Variants in ARHGAP24 observed in about 807,000 individuals in gnomAD.
ARHGAP24 encodes the protein Rho GTPase activating protein 24, also known as rho GTPase-activating protein 24.
In ARHGAP24, 50 loss-of-function variants were observed where a neutral mutation model predicts 76.4. The observed-to-expected ratio is 0.65, with a 90% CI of 0.52 to 0.83. The LOEUF (loss-of-function observed/expected upper bound fraction) is 0.83. Among genes scored for constraint, ARHGAP24 ranks in the 40% least tolerant of loss-of-function variants. The probability of loss-of-function intolerance (pLI) is 0.00; values close to 1 mark genes in which losing one functional copy is unlikely to be tolerated. For synonymous variants in ARHGAP24, 345 were observed against 323.3 expected (o/e 1.07, Z -0.72); for missense variants, 930 against 914.2 (o/e 1.02, Z -0.22).
intron 2 of ARHGAP24, among the ~76,000 whole-genome samples, chr4:85,628,450 G>A (rs774840221): frequency 6.6e-6 from 1 of 152,084 alleles, no homozygotes; most frequent in Non-Finnish European, 1.5e-5. Flanking sequence ...AGAATATGTT[G>A]GTGTTGGATG....
chr4:85,557,023 C>G (rs901093468), intron 1 of ARHGAP24, among the ~76,000 whole-genome samples: 4 of 152,144 alleles, frequency 2.6e-5, no homozygotes, highest in African/African-American at 9.7e-5. Flanking sequence ...GGGAGAGTCC[C>G]GAGTCACTGC....
chr4:85,487,234 T>C (rs1415163526), intron 1 of ARHGAP24, among the ~76,000 whole-genome samples: 23 of 132,942 alleles, frequency 1.7e-4, no homozygotes, highest in African/African-American at 6.5e-4. Context: ...ATATTTATTT[T>C]ATATATAGTA....
rs79116142 is a variant in ARHGAP24 at position 85,500,676 on chromosome 4, A to G, written c.-21+25117A>G. 4.2e-3 allele frequency among the ~76,000 whole-genome samples: 633 copies of G among 152,314 alleles called. 3 individuals are homozygous for G. Among genetic ancestry groups the G allele is most frequent in the African/African-American group, 0.014 (598 of 41,572 alleles). ...TAACTATGAATCATCTCAGATGTGG[A>G]AAGCTCATGGCCTCAGAATGGAATA... is the stretch of plus-strand genomic sequence containing the variant. On this transcript the variant is annotated intron_variant, in intron 1 of 9. Transcript: ENST00000395184.
chr4:85,697,477 C>A (rs956305211), intron 2 of ARHGAP24, among the ~76,000 whole-genome samples: 3 of 151,778 alleles, frequency 2.0e-5, no homozygotes, highest in Non-Finnish European at 4.4e-5. Context: ...GCACATGTAC[C>A]CTAAAACTTA....
intron 1 of ARHGAP24, among the ~76,000 whole-genome samples, chr4:85,517,469 T>G (rs1165155099): frequency 6.6e-6 from 1 of 152,178 alleles, no homozygotes; most frequent in Non-Finnish European, 1.5e-5. Context: ...TAAAATTTTT[T>G]TAACATTTAA....
At chr4:85,508,045 C>T (rs1328597316) in intron 1 of ARHGAP24, among the ~76,000 whole-genome samples, 1 of 124,004 alleles carries the variant, frequency 8.1e-6, no homozygotes, top group Admixed American at 1.0e-4. Context: ...GCCTTTTCAG[C>T]ATCATTATTC....
At chr4:85,540,866 T>C (rs1017630301) in intron 1 of ARHGAP24, among the ~76,000 whole-genome samples, 1 of 151,812 alleles carries the variant, frequency 6.6e-6, no homozygotes, top group Non-Finnish European at 1.5e-5. Context: ...AGTATTTTTT[T>C]ACAGGTGTTT....
intron 3 of ARHGAP24, among the ~76,000 whole-genome samples, chr4:85,809,493 C>A (rs1728923357): frequency 6.6e-6 from 1 of 152,050 alleles, no homozygotes; most frequent in Non-Finnish European, 1.5e-5. Context: ...TAGACACTTC[C>A]AAAATGTTAT....
intron 2 of ARHGAP24, among the ~76,000 whole-genome samples, chr4:85,691,340 G>A (rs1261673656): frequency 6.6e-6 from 1 of 152,108 alleles, no homozygotes; most frequent in Non-Finnish European, 1.5e-5. Context: ...TGGGTGTAGT[G>A]TTCTGTAGAT....
intron 2 of ARHGAP24, among the ~76,000 whole-genome samples, chr4:85,682,861 T>A (rs1180221372): frequency 6.6e-6 from 1 of 152,164 alleles, no homozygotes; most frequent in Non-Finnish European, 1.5e-5. Flanking sequence ...TGTGTCTCAC[T>A]AAGGTAGCCA....
At chr4:85,992,332 C>T (rs938362318) in intron 8 of ARHGAP24, among the ~76,000 whole-genome samples, 3 of 144,546 alleles carry the variant, frequency 2.1e-5, no homozygotes, top group Non-Finnish European at 4.5e-5. Context: ...TAGATGGAAT[C>T]AAAGCTTCCC....
intron 2 of ARHGAP24, among the ~76,000 whole-genome samples, chr4:85,667,501 C>G (rs111709469): frequency 0.029 from 4,452 of 152,238 alleles, 199 homozygotes; most frequent in African/African-American, 0.1. Flanking sequence ...ATGCACTGCA[C>G]CCACTGTCCT....
intron 4 of ARHGAP24, among the ~76,000 whole-genome samples, chr4:85,937,104 T>C (rs1451135806): frequency 6.6e-6 from 1 of 152,172 alleles, no homozygotes; most frequent in African/African-American, 2.4e-5. Context: ...GATTGAAATA[T>C]TACAAAGTCC....
chr4:85,815,821 C>T (rs534452749), intron 3 of ARHGAP24, among the ~76,000 whole-genome samples: 1 of 152,108 alleles, frequency 6.6e-6, no homozygotes, highest in Non-Finnish European at 1.5e-5. Context: ...TCCATTTTCC[C>T]GCTGCTGATA....
chr4:85,551,232 C>G (rs1249004144), intron 1 of ARHGAP24, among the ~76,000 whole-genome samples: 1 of 152,022 alleles, frequency 6.6e-6, no homozygotes. Flanking sequence ...AGGGTTTTAA[C>G]CTGAAGGGAT....
chr4:85,960,081 A>G (rs1463619019), intron 5 of ARHGAP24, among the ~76,000 whole-genome samples: 1 of 152,194 alleles, frequency 6.6e-6, no homozygotes, highest in African/African-American at 2.4e-5. Flanking sequence ...AAAATCAATC[A>G]AGTCCGCACA....
intron 3 of ARHGAP24, among the ~76,000 whole-genome samples, chr4:85,855,080 T>C (rs1731477625): frequency 6.6e-6 from 1 of 152,208 alleles, no homozygotes; most frequent in Non-Finnish European, 1.5e-5. Flanking sequence ...GCAGTTAATA[T>C]GTAGTATCAG....
chr4:85,594,863 CA>C (rs1364148422), intron 2 of ARHGAP24, among the ~76,000 whole-genome samples: 3 of 151,996 alleles, frequency 2.0e-5, no homozygotes, highest in Non-Finnish European at 4.4e-5. Context: ...AGAGACTAGA[CA>C]AAACCCAATT....
At chr4:85,518,593 A>G (rs892163244) in intron 1 of ARHGAP24, among the ~76,000 whole-genome samples, 1 of 152,074 alleles carries the variant, frequency 6.6e-6, no homozygotes, top group East Asian at 1.9e-4. Flanking sequence ...CTTAGCTCCC[A>G]CATATCAGTG....
Sources: gnomAD v4.1 joint callset for allele counts (sites outside exome capture counted in the v4.1 genomes callset) on GRCh38, gnomAD v4.1.1 for gene constraint, MANE v1.5 for transcripts, NCBI Gene and HGNC (gene_info 2026-07-23, HGNC 2026-07-21) for gene names.